The following ARHGAP6 variants were observed in gnomAD, a reference collection of about 807,000 sequenced individuals.
ARHGAP6 encodes the protein rho GTPase-activating protein 6.
A neutral mutation model predicts 55.7 loss-of-function variants in ARHGAP6; 16 were observed. The ratio of observed to expected loss-of-function variants is 0.29; its 90% CI spans 0.19 to 0.44. The LOEUF is 0.44. Ranked by LOEUF, ARHGAP6 falls within the 20% of genes least tolerant of loss-of-function variation. ARHGAP6 has a pLI of 1.00. For synonymous variants in ARHGAP6, 382 were observed against 360.9 expected (o/e 1.06, Z -0.66); for missense variants, 698 against 808.9 (o/e 0.86, Z 1.66).
intron 2 of ARHGAP6, among the ~76,000 whole-genome samples, chrX:11,229,160 A>C: frequency 8.9e-6 from 1 of 112,452 alleles, no homozygotes; most frequent in South Asian, 3.7e-4. Context: ...GTATTTATTC[A>C]TTAGGTTAAA....
intron 10 of ARHGAP6, among the ~76,000 whole-genome samples, chrX:11,150,720 T>A (rs1386553245): frequency 1.8e-5 from 2 of 111,474 alleles, no homozygotes; most frequent in African/African-American, 6.5e-5. Context: ...GCCCAGGCGG[T>A]TGAGGCTGCA....
chrX:11,181,971 T>A (rs879007554), intron 6 of ARHGAP6, 92 bp downstream of exon 6: 54 of 639,852 alleles, frequency 8.4e-5, no homozygotes, highest in Non-Finnish European at 1.2e-4. Flanking sequence ...AAAAAGATAA[T>A]CAAAATGGAA....
At chrX:11,216,221 T>G (rs1216191689) in intron 2 of ARHGAP6, among the ~76,000 whole-genome samples, 1 of 109,322 alleles carries the variant, frequency 9.1e-6, no homozygotes, top group Non-Finnish European at 1.9e-5. Flanking sequence ...AAAAGGTGTG[T>G]CTTTTTTATT....
At chrX:11,240,936 TGGGTG>T (rs1216577357) in intron 2 of ARHGAP6, among the ~76,000 whole-genome samples, 1 of 2,220 alleles carries the variant, frequency 4.5e-4, no homozygotes, top group Non-Finnish European at 7.4e-4. Flanking sequence ...TCCCAGCTAC[TGGGTG>T]GGGTGGGGTG....
chrX:11,460,716 T>A (rs1001168521), intron 1 of ARHGAP6, among the ~76,000 whole-genome samples: 19 of 112,086 alleles, frequency 1.7e-4, no homozygotes, highest in Non-Finnish European at 3.2e-4. Flanking sequence ...TGCCTCCTCC[T>A]GCATTGTTTG....
At chrX:11,191,222 G>A (rs7061322) in intron 3 of ARHGAP6, among the ~76,000 whole-genome samples, 20,591 of 111,617 alleles carry the variant, frequency 0.18, 1,437 homozygotes, top group Middle Eastern at 0.24. Flanking sequence ...CGCATTCAGC[G>A]TGGGGCAAGT....
chrX:11,569,794 C>T (rs2051490847), intron 1 of ARHGAP6, among the ~76,000 whole-genome samples: 1 of 111,870 alleles, frequency 8.9e-6, no homozygotes, highest in Non-Finnish European at 1.9e-5. Context: ...GCTTAAACCA[C>T]CCAAGGGGTC....
intron 2 of ARHGAP6, among the ~76,000 whole-genome samples, chrX:11,211,431 C>T (rs963195418): frequency 4.5e-5 from 5 of 110,024 alleles, no homozygotes; most frequent in African/African-American, 1.7e-4. Context: ...GGGGTTTCAC[C>T]GTATTAGCCA....
chrX:11,219,328 A>G (rs2051551615), intron 2 of ARHGAP6, among the ~76,000 whole-genome samples: 1 of 103,478 alleles, frequency 9.7e-6, no homozygotes, highest in Non-Finnish European at 2.0e-5. Flanking sequence ...TGCTATTGTG[A>G]ATAATGCCAC....
chrX:11,601,426 T>G (rs960520533), intron 1 of ARHGAP6, among the ~76,000 whole-genome samples: 1 of 110,571 alleles, frequency 9.0e-6, no homozygotes, highest in East Asian at 2.9e-4. Flanking sequence ...AAGAGGGAGA[T>G]TCTCAGATGT....
chrX:11,451,571 G>A (rs917046431), intron 1 of ARHGAP6, among the ~76,000 whole-genome samples: 14 of 112,071 alleles, frequency 1.2e-4, no homozygotes, highest in African/African-American at 4.2e-4. Flanking sequence ...TAACAGTTCT[G>A]AAGAACAACA....
At chrX:11,275,898 C>G (rs1038616321) in intron 1 of ARHGAP6, among the ~76,000 whole-genome samples, 3 of 111,691 alleles carry the variant, frequency 2.7e-5, no homozygotes, top group African/African-American at 9.8e-5. Flanking sequence ...TGTCGTCCCC[C>G]TACAGGGACA....
intron 1 of ARHGAP6, among the ~76,000 whole-genome samples, chrX:11,546,730 A>G (rs1001888599): frequency 8.9e-6 from 1 of 112,014 alleles, no homozygotes; most frequent in Admixed American, 9.5e-5. Context: ...TTCCAGGTCT[A>G]TATCCAACAT....
At chrX:11,481,376 A>G (rs959378991) in intron 1 of ARHGAP6, among the ~76,000 whole-genome samples, 3 of 112,713 alleles carry the variant, frequency 2.7e-5, no homozygotes. Flanking sequence ...ATTTGCAGAA[A>G]GACACAAAAG....
At chrX:11,656,123 T>C (rs2052634463) in intron 1 of ARHGAP6, among the ~76,000 whole-genome samples, 1 of 112,467 alleles carries the variant, frequency 8.9e-6, no homozygotes, top group South Asian at 3.7e-4. Context: ...GGGGAATCTT[T>C]ACATTAAATG....
intron 1 of ARHGAP6, among the ~76,000 whole-genome samples, chrX:11,464,658 G>A (rs2050276405): frequency 8.9e-6 from 1 of 112,184 alleles, no homozygotes; most frequent in Non-Finnish European, 1.9e-5. Context: ...TGTTTTCACT[G>A]CTCATTTTCT....
At chrX:11,272,521 C>T (rs1022137258) in intron 1 of ARHGAP6, among the ~76,000 whole-genome samples, 1 of 110,235 alleles carries the variant, frequency 9.1e-6, no homozygotes, top group Non-Finnish European at 1.9e-5. Flanking sequence ...TCCACATACT[C>T]ATGTGATGAC....
In ARHGAP6 at chrX:11,296,111, A is replaced by G. The variant is rs764805160; in HGVS notation, c.589-41404T>C. ...CTAAACGTCATAAATCAACTCTTTC[A>G]TTTTCCATGGGATTTATAATGTTTC... On this transcript the variant is annotated intron_variant, in intron 1 of 12. Coordinates refer to ENST00000337414, the MANE Select transcript of ARHGAP6 (RefSeq NM_013427.3). Among the ~76,000 whole-genome samples, 12 of 112,020 alleles carry G rather than the reference A, an allele frequency of 1.1e-4. No homozygotes were observed. The East Asian group carries it at 2.8e-3, about 26-fold the overall frequency.
intron 1 of ARHGAP6, among the ~76,000 whole-genome samples, chrX:11,375,351 GT>G (rs1362984305): frequency 8.9e-6 from 1 of 112,098 alleles, no homozygotes; most frequent in Non-Finnish European, 1.9e-5. Flanking sequence ...ATAAATATAA[GT>G]TGAAAAAGCA....
Sources: gnomAD v4.1 joint callset for allele counts (sites outside exome capture counted in the v4.1 genomes callset) on GRCh38, gnomAD v4.1.1 for gene constraint, MANE v1.5 for transcripts, NCBI Gene and HGNC (gene_info 2026-07-23, HGNC 2026-07-21) for gene names.